Variants in CALCR observed in about 807,000 individuals in gnomAD.
The protein encoded by CALCR is calcitonin receptor.
Under a neutral mutation model 59.5 loss-of-function variants are expected in CALCR, and 47 were observed. The observed-to-expected ratio is 0.79, with a 90% CI of 0.63 to 1.01. The LOEUF (loss-of-function observed/expected upper bound fraction) is 1.01, where lower values mean the gene tolerates loss of function less well. CALCR is among the 50% of genes least tolerant of loss of function. CALCR has a pLI of 0.00. For missense variants in CALCR, 566 were observed against 597.1 expected, an observed-to-expected ratio of 0.95 and a Z score of 0.54; for synonymous variants, 213 against 211.3, an observed-to-expected ratio of 1.01 and a Z score of -0.07.
chr7:93,464,115 C>G (rs1399123425), intron 7 of CALCR, among the ~76,000 whole-genome samples: 1 of 151,936 alleles, frequency 6.6e-6, no homozygotes, highest in Non-Finnish European at 1.5e-5. Flanking sequence ...TGGTGTAAAT[C>G]TTTCACATTT....
At chr7:93,488,759 T>C (rs1242458009) in intron 2 of CALCR, among the ~76,000 whole-genome samples, 1 of 151,588 alleles carries the variant, frequency 6.6e-6, no homozygotes, top group East Asian at 2.0e-4. Flanking sequence ...CCCAGATTCA[T>C]AAAATAAGTT....
chr7:93,462,665 G>A (rs1253283684), intron 7 of CALCR, among the ~76,000 whole-genome samples: 1 of 152,064 alleles, frequency 6.6e-6, no homozygotes, highest in Non-Finnish European at 1.5e-5. Context: ...ATGAATGAAT[G>A]TATCATACAG....
intron 2 of CALCR, among the ~76,000 whole-genome samples, chr7:93,547,610 A>G (rs1789325128): frequency 6.6e-6 from 1 of 152,194 alleles, no homozygotes; most frequent in African/African-American, 2.4e-5. Flanking sequence ...GATCTACTAG[A>G]AGTCCACACA....
chr7:93,429,920 TTTTTTGTTTGTTTG>T (rs1799613809), intron 13 of CALCR, among the ~76,000 whole-genome samples: 2 of 86,346 alleles, frequency 2.3e-5, no homozygotes, highest in Non-Finnish European at 4.7e-5. Context: ...GACGGTTTTT[TTTTTTGTTTGTTTG>T]TTTTTTTGTT....
In CALCR at chr7:93,472,298, T is replaced by C. The variant is rs1164433110; in HGVS notation, c.429+77A>G. 21 of 822,380 alleles carry C rather than the reference T, an allele frequency of 2.6e-5. No individual in the cohort carries two copies. In the East Asian group the frequency reaches 3.8e-4, roughly 15 times the overall value. The allele number at this position is 822,380 out of a possible 1,614,324, so 50.9% of individuals were successfully genotyped here. ...CCTGTTGGCTTCTTTGTGGCAGATA[T>C]TTTACAGTTATGCGTCCATTTCCTT... On this transcript the variant is annotated intron_variant, in intron 6 of 13. Coordinates refer to ENST00000426151, the MANE Select transcript of CALCR (RefSeq NM_001742.4).
chr7:93,549,692 G>C (rs952195823), intron 2 of CALCR, among the ~76,000 whole-genome samples: 4 of 152,130 alleles, frequency 2.6e-5, no homozygotes, highest in Admixed American at 1.3e-4. Flanking sequence ...TCCTCTATTA[G>C]GGTTTAGGGC....
chr7:93,484,242 C>A (rs1800871642), intron 3 of CALCR, among the ~76,000 whole-genome samples: 1 of 151,776 alleles, frequency 6.6e-6, no homozygotes, highest in Admixed American at 6.6e-5. Context: ...TATGCTTATG[C>A]AATTCCTACT....
chr7:93,451,340 T>G (rs1800106144), intron 8 of CALCR, among the ~76,000 whole-genome samples: 1 of 152,000 alleles, frequency 6.6e-6, no homozygotes, highest in South Asian at 2.1e-4. Context: ...CATGTGACAC[T>G]AAGAAGGATG....
intron 9 of CALCR, among the ~76,000 whole-genome samples, chr7:93,438,651 G>A (rs752229325): frequency 1.8e-4 from 27 of 152,158 alleles, no homozygotes; most frequent in Admixed American, 1.7e-3. Context: ...GGGTCACCCC[G>A]GAGGGATGTG....
chr7:93,569,295 A>G (rs1205395846), intron 2 of CALCR, among the ~76,000 whole-genome samples: 2 of 152,198 alleles, frequency 1.3e-5, no homozygotes, highest in East Asian at 3.8e-4. Flanking sequence ...TCTTCCTGAT[A>G]AAATGCAAAC....
At chr7:93,476,888 CA>C (rs1392891470) in intron 5 of CALCR, among the ~76,000 whole-genome samples, 6 of 151,922 alleles carry the variant, frequency 3.9e-5, no homozygotes, top group Non-Finnish European at 7.4e-5. Flanking sequence ...CCAACTTTTC[CA>C]TCACAATGGG....
chr7:93,530,711 G>A (rs1187164039), intron 2 of CALCR, among the ~76,000 whole-genome samples: 1 of 152,058 alleles, frequency 6.6e-6, no homozygotes, highest in Non-Finnish European at 1.5e-5. Flanking sequence ...AATATTAAAT[G>A]CCATTCAAAG....
At chr7:93,463,879 A>G (rs999770912) in intron 7 of CALCR, among the ~76,000 whole-genome samples, 3 of 152,006 alleles carry the variant, frequency 2.0e-5, no homozygotes, top group African/African-American at 7.2e-5. Context: ...ACAGACATTT[A>G]GATGGACAGA....
At chr7:93,571,072 A>T (rs192218283) in intron 2 of CALCR, among the ~76,000 whole-genome samples, 1 of 152,354 alleles carries the variant, frequency 6.6e-6, no homozygotes, top group East Asian at 1.9e-4. Context: ...ATATGTTAAT[A>T]TGATTTTCTG....
chr7:93,521,617 A>C (rs1584603886), intron 2 of CALCR, among the ~76,000 whole-genome samples: 1 of 152,194 alleles, frequency 6.6e-6, no homozygotes, highest in South Asian at 2.1e-4. Flanking sequence ...ATTTTTCTAA[A>C]CCATTCTTTT....
At chr7:93,510,205 T>C (rs1801515320) in intron 2 of CALCR, among the ~76,000 whole-genome samples, 1 of 152,192 alleles carries the variant, frequency 6.6e-6, no homozygotes, top group African/African-American at 2.4e-5. Context: ...CTATGACTTC[T>C]CCTAAAAGCT....
At chr7:93,560,676 G>A (rs1218086818) in intron 2 of CALCR, among the ~76,000 whole-genome samples, 7 of 152,098 alleles carry the variant, frequency 4.6e-5, no homozygotes, top group Admixed American at 4.6e-4. Flanking sequence ...TGTGGACAAA[G>A]ACACATATCT....
intron 3 of CALCR, among the ~76,000 whole-genome samples, chr7:93,481,281 T>A (rs964784812): frequency 6.6e-6 from 1 of 151,740 alleles, no homozygotes; most frequent in Admixed American, 6.6e-5. Context: ...GAATTTTTAG[T>A]AAAATTCATG....
At chr7:93,528,832 T>C (rs1053035624) in intron 2 of CALCR, among the ~76,000 whole-genome samples, 3 of 152,190 alleles carry the variant, frequency 2.0e-5, no homozygotes, top group South Asian at 4.1e-4. Context: ...GCTTCTGATG[T>C]ACCCCCATTC....
Sources: allele counts gnomAD v4.1 joint callset (sites outside exome capture counted in the v4.1 genomes callset), GRCh38; gene constraint gnomAD v4.1.1; transcripts MANE v1.5; gene names NCBI Gene and HGNC (gene_info 2026-07-23, HGNC 2026-07-21).